UNC13C: variants seen among roughly 807,000 people sequenced by gnomAD.
UNC13C encodes unc-13 homolog C.
In UNC13C, 174 loss-of-function variants were observed where a neutral mutation model predicts 245.4. The observed-to-expected ratio is 0.71, with a 90% CI of 0.63 to 0.80. The LOEUF (loss-of-function observed/expected upper bound fraction) is 0.80, where lower values mean the gene tolerates loss of function less well. Ranked by LOEUF, UNC13C falls within the 30% of genes least tolerant of loss-of-function variation. The pLI is 0.00. For missense variants in UNC13C, 2,829 were observed against 2,602.9 expected (o/e 1.09, Z -1.89); for synonymous variants, 992 against 895.1 (o/e 1.11, Z -1.93).
At chr15:54,451,739 A>C (rs1330825589) in intron 19 of UNC13C, among the ~76,000 whole-genome samples, 1 of 151,778 alleles carries the variant, frequency 6.6e-6, no homozygotes, top group South Asian at 2.1e-4. Context: ...CATTACTTTT[A>C]ATTTTTCTGG....
At chr15:54,263,481 A>G (rs2036477661) in intron 8 of UNC13C, among the ~76,000 whole-genome samples, 2 of 152,166 alleles carry the variant, frequency 1.3e-5, no homozygotes, top group African/African-American at 4.8e-5. Flanking sequence ...ACAAACAAAA[A>G]TGCCCAGAAA....
At chr15:54,021,683 A>G (rs1239413888) in intron 2 of UNC13C, among the ~76,000 whole-genome samples, 1 of 152,232 alleles carries the variant, frequency 6.6e-6, no homozygotes, top group Non-Finnish European at 1.5e-5. Context: ...TATCAGTCTC[A>G]ATTCCTTTGG....
chr15:54,489,515 A>T (rs972314594), intron 19 of UNC13C, among the ~76,000 whole-genome samples: 3 of 152,230 alleles, frequency 2.0e-5, no homozygotes, highest in African/African-American at 2.4e-5. Flanking sequence ...ATGTATGTAT[A>T]TGTATGCAAG....
At chr15:54,603,233 A>G (rs1461015952) in intron 30 of UNC13C, among the ~76,000 whole-genome samples, 1 of 152,184 alleles carries the variant, frequency 6.6e-6, no homozygotes, top group Non-Finnish European at 1.5e-5. Context: ...GGATCCAAAA[A>G]TTAGGCTGCC....
At chr15:54,613,601 C>G (rs1311621511) in intron 30 of UNC13C, among the ~76,000 whole-genome samples, 1 of 151,862 alleles carries the variant, frequency 6.6e-6, no homozygotes, top group African/African-American at 2.4e-5. Flanking sequence ...TTTCTGAATT[C>G]ATGATAATGG....
At position 54,555,454 on chromosome 15, in the gene UNC13C, C is replaced by T; in HGVS notation, c.5900C>T (p.Ala1967Val). 1.2e-6 allele frequency: 2 copies of T among 1,612,240 alleles called. No homozygotes were observed. Among genetic ancestry groups the T allele is most frequent in the African/African-American group, 2.7e-5 (2 of 74,906 alleles). Residue 1967 changes from alanine to valine, a missense_variant, in exon 29 of 33, where the codon GCC becomes GTC. Transcript: ENST00000260323. ...CAGGAGCACATGATTCGAGAGGATG[C>T]CAGGGGTCTGACGCCAAGACAATGC... is the stretch of plus-strand genomic sequence containing the variant. The part of the protein sequence containing the change: ...KLKEHMIRED[A>V]RGLTPRQCAI...
At chr15:54,201,718 G>C (rs113298381) in intron 4 of UNC13C, among the ~76,000 whole-genome samples, 91 of 151,974 alleles carry the variant, frequency 6.0e-4, no homozygotes, top group African/African-American at 2.1e-3. Context: ...TACTAAATGG[G>C]GAAAAGTTGA....
chr15:54,486,289 A>ACACACACACACACACACAC (rs1567319118), intron 19 of UNC13C, among the ~76,000 whole-genome samples: 2 of 149,578 alleles, frequency 1.3e-5, no homozygotes, highest in Non-Finnish European at 1.5e-5. Context: ...ACACACACAC[A>ACACACACACACACACACAC]ATATCAGTGT....
At chr15:53,966,455 T>A in the UNC13C span, among the ~76,000 whole-genome samples, 36 of 152,022 alleles carry the variant, frequency 2.4e-4, no homozygotes, top group Admixed American at 2.4e-3. Context: ...ATTCCTTGAG[T>A]TTTTAAATGT....
intron 4 of UNC13C, among the ~76,000 whole-genome samples, chr15:54,172,974 C>G (rs1175443525): frequency 1.3e-5 from 2 of 151,336 alleles, no homozygotes; most frequent in Admixed American, 6.6e-5. Flanking sequence ...GTTCCAGAAT[C>G]ATTGGTTGAA....
At chr15:54,078,283 T>G (rs1898744086) in intron 2 of UNC13C, among the ~76,000 whole-genome samples, 1 of 152,214 alleles carries the variant, frequency 6.6e-6, no homozygotes, top group Non-Finnish European at 1.5e-5. Context: ...CTGTGAGTAG[T>G]GCTGCAATAA....
At chr15:54,198,820 G>A (rs1247964284) in intron 4 of UNC13C, among the ~76,000 whole-genome samples, 2 of 151,904 alleles carry the variant, frequency 1.3e-5, no homozygotes, top group Non-Finnish European at 2.9e-5. Flanking sequence ...ACCCCCAAAA[G>A]ATCATAAGCA....
rs145642119 is a variant in UNC13C, at chr15:54,278,581, C to T, written c.3818+13085C>T. Among the ~76,000 whole-genome samples, 666 of 152,278 alleles carry T rather than the reference C, an allele frequency of 4.4e-3. 3 individuals carry two copies. Among genetic ancestry groups the T allele is most frequent in the Non-Finnish European group, 5.7e-3 (388 of 68,006 alleles). On this transcript the variant is annotated intron_variant, in intron 10 of 32. Transcript: ENST00000260323. ...AAGCTGTACAATGCCGTTCTTCTCTCCATCTCCCCGACACTGATCTCTTCA... is the reference window on the plus strand; with the variant it reads ...AAGCTGTACAATGCCGTTCTTCTCTTCATCTCCCCGACACTGATCTCTTCA...
At chr15:54,082,037 T>G (rs1898971112) in intron 2 of UNC13C, among the ~76,000 whole-genome samples, 1 of 152,242 alleles carries the variant, frequency 6.6e-6, no homozygotes, top group South Asian at 2.1e-4. Flanking sequence ...TCTTTTTCAC[T>G]TATGGAGTTT....
chr15:54,250,456 G>T lies in UNC13C; in HGVS notation c.3448+12G>T. On this transcript the variant is annotated intron_variant, in intron 8 of 32. Coordinates refer to ENST00000260323, the MANE Select transcript of UNC13C (RefSeq NM_001080534.3). The stretch of plus-strand genomic sequence containing the variant: ...TGACTGCTTGCAGAGTGAGTACTTG[G>T]TTTGGCTGAAAAAGTGGTATGCAGA... The T allele has an allele frequency of 6.3e-7, 1 of 1,589,704 alleles. No individual in the cohort carries two copies. Among genetic ancestry groups the T allele is most frequent in the Non-Finnish European group, 8.6e-7 (1 of 1,167,514 alleles).
chr15:53,851,563 A>G, the UNC13C span, among the ~76,000 whole-genome samples: 3 of 151,658 alleles, frequency 2.0e-5, no homozygotes, highest in East Asian at 1.9e-4. Context: ...CCTCCTGTCC[A>G]CCTTTCACCT....
At chr15:54,082,288 G>A (rs1295536130) in intron 2 of UNC13C, among the ~76,000 whole-genome samples, 2 of 152,104 alleles carry the variant, frequency 1.3e-5, no homozygotes, top group Non-Finnish European at 2.9e-5. Context: ...GGTGTTCTCT[G>A]AATTTCTTGT....
chr15:54,439,941 C>T (rs1167448580), intron 19 of UNC13C, among the ~76,000 whole-genome samples: 1 of 151,988 alleles, frequency 6.6e-6, no homozygotes, highest in African/African-American at 2.4e-5. Context: ...CACCCCCACT[C>T]CTACCCATAC....
At chr15:54,169,287 G>A (rs112710995) in intron 4 of UNC13C, among the ~76,000 whole-genome samples, 8 of 152,250 alleles carry the variant, frequency 5.3e-5, no homozygotes, top group African/African-American at 1.7e-4. Flanking sequence ...ATGGCTATAC[G>A]TTTACATTTC....
Sources: gnomAD v4.1 joint callset for allele counts (sites outside exome capture counted in the v4.1 genomes callset) on GRCh38, gnomAD v4.1.1 for gene constraint, MANE v1.5 for transcripts, NCBI Gene and HGNC (gene_info 2026-07-23, HGNC 2026-07-21) for gene names.